The following LRRC4C variants were observed in gnomAD, a reference collection of about 807,000 sequenced individuals.
The protein encoded by LRRC4C is leucine rich repeat containing 4C, also known as leucine-rich repeat-containing protein 4C.
A neutral mutation model predicts 33.6 loss-of-function variants in LRRC4C; 5 were observed. The ratio of observed to expected loss-of-function variants is 0.15; its 90% confidence interval spans 0.08 to 0.31. The LOEUF (loss-of-function observed/expected upper bound fraction) is 0.31, where lower values mean the gene tolerates loss of function less well. LRRC4C is among the 10% of genes least tolerant of loss of function. The pLI, the probability that LRRC4C is intolerant of heterozygous loss-of-function variation, is 1.00. For synonymous variants in LRRC4C, 329 were observed against 302.0 expected (o/e 1.09, Z -0.93); for missense variants, 560 against 796.7 (o/e 0.70, Z 3.58).
chr11:40,586,883 T>TAG (rs1170218286), intron 3 of LRRC4C, among the ~76,000 whole-genome samples: 1 of 152,200 alleles, frequency 6.6e-6, no homozygotes, highest in Non-Finnish European at 1.5e-5. Context: ...TGTAGCCTTG[T>TAG]AGTATAGTTT....
intron 1 of LRRC4C, among the ~76,000 whole-genome samples, chr11:41,217,658 G>A (rs1202272948): frequency 6.6e-6 from 1 of 152,140 alleles, no homozygotes; most frequent in Non-Finnish European, 1.5e-5. Flanking sequence ...AAATTGGAAT[G>A]AACTAGTGAT....
chr11:40,473,336 A>C (rs1366854330), intron 3 of LRRC4C, among the ~76,000 whole-genome samples: 2 of 152,208 alleles, frequency 1.3e-5, no homozygotes, highest in Admixed American at 6.5e-5. Context: ...ACATAAACAG[A>C]ACAAATGACA....
intron 4 of LRRC4C, among the ~76,000 whole-genome samples, chr11:40,246,668 G>T (rs531527117): frequency 1.1e-4 from 16 of 151,988 alleles, no homozygotes; most frequent in Admixed American, 1.0e-3. Flanking sequence ...ATTCTGGTTT[G>T]AGCCCTCAAA....
At chr11:40,931,704 A>G (rs1210555857) in intron 2 of LRRC4C, among the ~76,000 whole-genome samples, 2 of 151,988 alleles carry the variant, frequency 1.3e-5, no homozygotes, top group Non-Finnish European at 2.9e-5. Flanking sequence ...AGATACTTAT[A>G]ATTATTTTTA....
At chr11:40,428,456 T>TAATATTAATATTAAATTAA (rs1396006082) in intron 3 of LRRC4C, among the ~76,000 whole-genome samples, 1 of 152,230 alleles carries the variant, frequency 6.6e-6, no homozygotes, top group Non-Finnish European at 1.5e-5. Flanking sequence ...AATATTATTT[T>TAATATTAATATTAAATTAA]AGAAAATAAC....
At chr11:40,579,813 T>C (rs1958386205) in intron 3 of LRRC4C, among the ~76,000 whole-genome samples, 1 of 152,206 alleles carries the variant, frequency 6.6e-6, no homozygotes, top group African/African-American at 2.4e-5. Context: ...CATTTATTTA[T>C]TTATTTTTGC....
chr11:40,945,263 A>T (rs1270279815), intron 1 of LRRC4C, among the ~76,000 whole-genome samples: 1 of 151,004 alleles, frequency 6.6e-6, no homozygotes, highest in Non-Finnish European at 1.5e-5. Context: ...CTCGTGATCC[A>T]CCCGTCTCGG....
At chr11:40,202,183 AG>A (rs1862802811) in intron 5 of LRRC4C, among the ~76,000 whole-genome samples, 1 of 140,902 alleles carries the variant, frequency 7.1e-6, no homozygotes, top group South Asian at 2.3e-4. Flanking sequence ...GCATAGGGAC[AG>A]GCTTCCTCGG....
intron 5 of LRRC4C, among the ~76,000 whole-genome samples, chr11:40,177,489 G>A (rs1413556468): frequency 1.3e-5 from 2 of 151,844 alleles, no homozygotes; most frequent in Non-Finnish European, 2.9e-5. Context: ...ATACCTTCCA[G>A]TCACACTGTA....
chr11:40,125,706 G>T (rs559611121), intron 6 of LRRC4C, among the ~76,000 whole-genome samples: 2 of 152,190 alleles, frequency 1.3e-5, no homozygotes, highest in South Asian at 4.1e-4. Flanking sequence ...AAGGTCTGAA[G>T]CTCATCCCAC....
intron 1 of LRRC4C, among the ~76,000 whole-genome samples, chr11:40,938,581 C>G (rs1958010096): frequency 6.6e-6 from 1 of 152,112 alleles, no homozygotes; most frequent in Admixed American, 6.6e-5. Context: ...GTTTTAACCA[C>G]CTACTGCCTC....
At chr11:40,978,759 T>C (rs1452936968) in intron 1 of LRRC4C, among the ~76,000 whole-genome samples, 1 of 151,830 alleles carries the variant, frequency 6.6e-6, no homozygotes, top group African/African-American at 2.4e-5. Flanking sequence ...GTAGCTGGGA[T>C]TGCAGGTGCC....
At chr11:40,345,993 A>C (rs1947111634) in intron 3 of LRRC4C, among the ~76,000 whole-genome samples, 2 of 152,180 alleles carry the variant, frequency 1.3e-5, no homozygotes, top group South Asian at 4.1e-4. Context: ...TCAAAAACAC[A>C]ATAAGACACC....
In LRRC4C at chr11:40,984,893, CTTTTTTTTTTTTTTT is replaced by C. The variant is rs562785410; in HGVS notation, c.-495-51185_-495-51171del. Among the ~76,000 whole-genome samples the C allele has an allele frequency of 5.6e-3, 291 of 52,282 alleles. 6 individuals carry two copies. The highest frequency in any genetic ancestry group is 0.017 in the African/African-American group (269 of 15,862). 34.3% of individuals were successfully genotyped at this position (52,282 alleles called of 152,430 possible). A position where few individuals can be genotyped will look rare whatever the true frequency, so the allele number is the denominator to read the frequency against. ...CACGACAACTCTGTTCTCACTGACACTTTTTTTTTTTTTTTTTTTTTTTTTTGAGACGCAATCTCG... is the reference window on the plus strand; with the variant it reads ...CACGACAACTCTGTTCTCACTGACACTTTTTTTTTTTGAGACGCAATCTCG... On this transcript the variant is annotated intron_variant, in intron 1 of 6. Transcript: ENST00000528697.
intron 2 of LRRC4C, among the ~76,000 whole-genome samples, chr11:40,928,772 G>GAATTAA (rs978038738): frequency 1.3e-5 from 2 of 152,020 alleles, no homozygotes; most frequent in African/African-American, 4.8e-5. Context: ...TATCATATGT[G>GAATTAA]AATTAAAATT....
chr11:40,678,867 G>T (rs1375920114), intron 2 of LRRC4C, among the ~76,000 whole-genome samples: 1 of 151,904 alleles, frequency 6.6e-6, no homozygotes, highest in Non-Finnish European at 1.5e-5. Context: ...TACTGGGTAG[G>T]GGGGTGCTAC....
At chr11:40,379,772 A>C (rs1017265674) in intron 3 of LRRC4C, among the ~76,000 whole-genome samples, 1 of 152,192 alleles carries the variant, frequency 6.6e-6, no homozygotes, top group African/African-American at 2.4e-5. Context: ...TATTTATTTA[A>C]CACATTTTTA....
intron 4 of LRRC4C, chr11:40,292,100 A>C (rs1219285652): frequency 6.6e-6 from 1 of 152,002 alleles, no homozygotes; most frequent in Non-Finnish European, 1.5e-5. Context: ...TTTAAAAAAA[A>C]ACACCAAAGG....
chr11:41,313,422 C>A (rs1045957713), intron 1 of LRRC4C, among the ~76,000 whole-genome samples: 4 of 152,110 alleles, frequency 2.6e-5, no homozygotes, highest in Non-Finnish European at 5.9e-5. Context: ...ATTGAACCAC[C>A]ATATTTCGTT....
Sources: allele counts gnomAD v4.1 joint callset (sites outside exome capture counted in the v4.1 genomes callset), GRCh38; gene constraint gnomAD v4.1.1; transcripts MANE v1.5; gene names NCBI Gene and HGNC (gene_info 2026-07-23, HGNC 2026-07-21).